The following SEC24B variants were observed in gnomAD, a reference collection of about 807,000 sequenced individuals.
SEC24B encodes the protein SEC24 homolog B, COPII component.
In SEC24B, 45 loss-of-function variants were observed where a neutral mutation model predicts 142.8. The ratio of observed to expected loss-of-function variants is 0.32; its 90% CI spans 0.25 to 0.40. The LOEUF (loss-of-function observed/expected upper bound fraction) is 0.40. Among genes scored for constraint, SEC24B ranks in the 10% least tolerant of loss-of-function variants. The pLI is 1.00. For missense variants in SEC24B, 1,409 were observed against 1,526.8 expected (o/e 0.92, Z 1.29); for synonymous variants, 574 against 568.2 (o/e 1.01, Z -0.15).
chr4:109,486,097 A>T (rs954220456), intron 4 of SEC24B, among the ~76,000 whole-genome samples: 2 of 152,206 alleles, frequency 1.3e-5, no homozygotes, highest in African/African-American at 4.8e-5. Flanking sequence ...AGAGAACACG[A>T]AGAACATTTC....
intron 1 of SEC24B, among the ~76,000 whole-genome samples, chr4:109,451,963 A>G (rs1730140478): frequency 6.6e-6 from 1 of 152,198 alleles, no homozygotes; most frequent in Admixed American, 6.5e-5. Context: ...ATTTACCTAT[A>G]GTATATTTCC....
Position 109,433,899 on chromosome 4 carries a change from G to A in SEC24B, c.30G>A (p.Pro10=). 7.5e-7 allele frequency: 1 copy of A among 1,340,620 alleles called. No individual in the cohort carries two copies. The highest frequency in any genetic ancestry group is 1.8e-5 in the South Asian group (1 of 55,730). 83.0% of individuals were successfully genotyped at this position (1,340,620 alleles called of 1,614,324 possible). A position where few individuals can be genotyped will look rare whatever the true frequency, so the allele number is the denominator to read the frequency against. Residue 10 remains proline (P), a synonymous_variant, in exon 1 of 24, where the codon CCG becomes CCA. Coordinates refer to ENST00000265175, the MANE Select transcript of SEC24B (RefSeq NM_006323.5). ...CGGCCCCCGCCGGGTCCTCTCACCC[G>A]GCCGCCAGCGCCCGGATCCCGCCCA... MSAPAGSSH[P]AASARIPPKF...
In SEC24B at chr4:109,520,481, G is replaced by C. The variant is rs1278854341; in HGVS notation, c.2242G>C (p.Asp748His). ...TCAAATGTTGATTGTGTCTGATATA[G>C]ATGGTAAGCAGTCAGTAAAATAAAA... is the stretch of plus-strand genomic sequence containing the variant. ...QPQMLIVSDIDDVFLPTPDSL... is the reference protein window; with the variant it reads ...QPQMLIVSDIHDVFLPTPDSL... The change falls in exon 12 of 24, where the codon GAT becomes CAT. Residue 748 changes from aspartate to histidine, a missense_variant. Physicochemically the swap from Asp to His is moderately conservative, Grantham distance 81. Coordinates refer to ENST00000265175, the MANE Select transcript of SEC24B (RefSeq NM_006323.5). The C allele has an allele frequency of 1.9e-6, 3 of 1,568,160 alleles. No individual in the cohort carries two copies. The highest frequency in any genetic ancestry group is 2.6e-6 in the Non-Finnish European group (3 of 1,140,708).
chr4:109,532,666 G>A lies in SEC24B; in HGVS notation c.3418G>A (p.Val1140Ile). The change falls in exon 21 of 24, where the codon GTA becomes ATA. Residue 1140 changes from valine to isoleucine, a missense_variant. Transcript: ENST00000265175. ...TGCAGTACATGTTAATGACAGGATT[G>A]TACCACAGCCACCTCTTCAAAAATT... ...EGAVHVNDRI[V>I]PQPPLQKLSA... 2 of 1,613,526 alleles carry A rather than the reference G, an allele frequency of 1.2e-6. No homozygotes were observed. The highest frequency in any genetic ancestry group is 1.7e-6 in the Non-Finnish European group (2 of 1,179,496).
intron 2 of SEC24B, among the ~76,000 whole-genome samples, chr4:109,465,441 G>A (rs1291865982): frequency 2.5e-4 from 37 of 150,648 alleles, no homozygotes; most frequent in Admixed American, 2.4e-3. Context: ...TATCCAAGTT[G>A]AATTGCCTGT....
chr4:109,454,058 A>G (rs1370563321), intron 1 of SEC24B, among the ~76,000 whole-genome samples: 2 of 152,042 alleles, frequency 1.3e-5, no homozygotes, highest in South Asian at 2.1e-4. Flanking sequence ...GGGTTTCTCC[A>G]TGTTGCCCAG....
intron 18 of SEC24B, among the ~76,000 whole-genome samples, chr4:109,529,093 G>T (rs1724599961): frequency 6.6e-6 from 1 of 151,852 alleles, no homozygotes; most frequent in Admixed American, 6.6e-5. Flanking sequence ...AACCCGGGAG[G>T]CAGAGGTTGC....
chr4:109,451,312 G>A (rs960687613), intron 1 of SEC24B, among the ~76,000 whole-genome samples: 10 of 151,744 alleles, frequency 6.6e-5, no homozygotes, highest in African/African-American at 2.4e-4. Flanking sequence ...TAACCTTCTG[G>A]GCTCAAGCGA....
intron 4 of SEC24B, among the ~76,000 whole-genome samples, chr4:109,485,625 A>G (rs1734278968): frequency 6.6e-6 from 1 of 152,210 alleles, no homozygotes; most frequent in South Asian, 2.1e-4. Context: ...TGCAAATTAA[A>G]GAAACATTCT....
chr4:109,519,129 T>TC (rs559158834), intron 11 of SEC24B, among the ~76,000 whole-genome samples: 7 of 152,054 alleles, frequency 4.6e-5, no homozygotes, highest in Non-Finnish European at 1.0e-4. Context: ...CAAGTTTTAA[T>TC]CCCCCAAGAG....
At chr4:109,438,243 A>G (rs1436428180) in intron 1 of SEC24B, among the ~76,000 whole-genome samples, 2 of 152,220 alleles carry the variant, frequency 1.3e-5, no homozygotes, top group Non-Finnish European at 2.9e-5. Context: ...GACATGTATT[A>G]AATGAAGTCC....
intron 2 of SEC24B, among the ~76,000 whole-genome samples, chr4:109,469,286 G>A (rs551769465): frequency 6.6e-6 from 1 of 152,156 alleles, no homozygotes; most frequent in Admixed American, 6.5e-5. Context: ...CTTGATTGGT[G>A]TGCCTCCCTG....
chr4:109,472,262 C>T (rs2125958806), intron 2 of SEC24B, among the ~76,000 whole-genome samples: 2 of 152,228 alleles, frequency 1.3e-5, no homozygotes, highest in South Asian at 4.2e-4. Context: ...AGTCTTTTGC[C>T]ATAGGTTTTT....
intron 3 of SEC24B, among the ~76,000 whole-genome samples, chr4:109,474,977 A>G (rs1732952523): frequency 6.6e-6 from 1 of 152,240 alleles, no homozygotes; most frequent in Non-Finnish European, 1.5e-5. Context: ...CAGATGAGAA[A>G]AGTGAGATTG....
intron 11 of SEC24B, among the ~76,000 whole-genome samples, chr4:109,519,873 AG>A (rs1259451716): frequency 6.6e-6 from 1 of 152,236 alleles, no homozygotes; most frequent in Non-Finnish European, 1.5e-5. Flanking sequence ...CATAGTTGGT[AG>A]TACTTAGTAA....
At chr4:109,490,844 A>T (rs1457885331) in intron 4 of SEC24B, among the ~76,000 whole-genome samples, 1 of 152,140 alleles carries the variant, frequency 6.6e-6, no homozygotes, top group Non-Finnish European at 1.5e-5. Flanking sequence ...GTAGCATGCC[A>T]GATAGCAACC....
chr4:109,481,903 G>A (rs1578857581), intron 4 of SEC24B, 122 bp downstream of exon 4: 1 of 660,092 alleles, frequency 1.5e-6, no homozygotes, highest in Admixed American at 2.7e-5. Flanking sequence ...GAACTTACGA[G>A]GTTTGCATTA....
chr4:109,524,773 G>A, intron 14 of SEC24B, 45 bp from the exon 15 acceptor site: 1 of 1,543,116 alleles, frequency 6.5e-7, no homozygotes, highest in Non-Finnish European at 8.8e-7. Flanking sequence ...ATGAAAATAT[G>A]AGCATAAAGA....
At chr4:109,523,676 A>G (rs1723908495) in intron 14 of SEC24B, among the ~76,000 whole-genome samples, 1 of 152,040 alleles carries the variant, frequency 6.6e-6, no homozygotes, top group Admixed American at 6.6e-5. Flanking sequence ...AGTTATGAGT[A>G]TGAATTAAAC....
Sources: gnomAD v4.1 joint callset for allele counts (sites outside exome capture counted in the v4.1 genomes callset) on GRCh38, gnomAD v4.1.1 for gene constraint, MANE v1.5 for transcripts, NCBI Gene and HGNC (gene_info 2026-07-23, HGNC 2026-07-21) for gene names.